The following CFAP70 variants were observed in gnomAD, a reference collection of about 807,000 sequenced individuals.
The protein encoded by CFAP70 is cilia and flagella associated protein 70.
CFAP70 carries 81 observed loss-of-function variants against 137.6 expected under a neutral mutation model. The observed-to-expected ratio is 0.59, with a 90% CI of 0.49 to 0.71. The LOEUF is 0.71. CFAP70 is among the 30% of genes least tolerant of loss of function. The pLI is 0.00. For missense variants in CFAP70, 976 were observed against 1,226.7 expected, an observed-to-expected ratio of 0.80 and a Z score of 3.05; for synonymous variants, 382 against 423.6, an observed-to-expected ratio of 0.90 and a Z score of 1.20.
exon 10 of CFAP70, chr10:73,312,587 A>G: frequency 3.1e-6 from 5 of 1,610,676 alleles, no homozygotes; most frequent in Non-Finnish European, 4.2e-6. Flanking sequence ...CTCCTATTTT[A>G]TTATTATGAA....
chr10:73,274,090 G>A (rs1014166083), intron 23 of CFAP70, among the ~76,000 whole-genome samples: 1 of 152,224 alleles, frequency 6.6e-6, no homozygotes, highest in African/African-American at 2.4e-5. Flanking sequence ...AAAGTTTGGA[G>A]AGAAGTCCTT....
chr10:73,297,446 G>A (rs1347361517), intron 14 of CFAP70, among the ~76,000 whole-genome samples: 1 of 152,150 alleles, frequency 6.6e-6, no homozygotes, highest in Non-Finnish European at 1.5e-5. Flanking sequence ...AAGAAAATCT[G>A]AGCATTAGGT....
intron 19 of CFAP70, chr10:73,279,069 C>A (rs75243954): frequency 6.6e-6 from 1 of 151,644 alleles, no homozygotes; most frequent in Admixed American, 6.6e-5. Context: ...TTCGTCCTCA[C>A]TTTAGTAGCA....
intron 22 of CFAP70, 161 bp from the exon 24 acceptor site, chr10:73,274,755 AC>A: frequency 4.4e-6 from 3 of 676,632 alleles, no homozygotes; most frequent in Non-Finnish European, 7.2e-6. Context: ...CAGAAACATA[AC>A]CATTTAATTG....
chr10:73,360,525 A>G (rs2054966814), upstream of CFAP70, among the ~76,000 whole-genome samples: 1 of 152,214 alleles, frequency 6.6e-6, no homozygotes, highest in Non-Finnish European at 1.5e-5. Context: ...TAAAATATAT[A>G]CACACGCATA....
At chr10:73,261,884 T>A (rs1168678473) in intron 25 of CFAP70, among the ~76,000 whole-genome samples, 2 of 151,566 alleles carry the variant, frequency 1.3e-5, no homozygotes, top group Non-Finnish European at 2.9e-5. Flanking sequence ...TATTTTAAAA[T>A]TTTTTGGACA....
chr10:73,307,636 T>C (rs972825472), intron 12 of CFAP70, among the ~76,000 whole-genome samples: 4 of 152,090 alleles, frequency 2.6e-5, no homozygotes, highest in African/African-American at 9.7e-5. Context: ...TAAATATTGA[T>C]AAAAGGTTAA....
chr10:73,345,115 C>G lies in CFAP70; in HGVS notation c.350-1G>C, dbSNP rs1168368621. On this transcript the variant is annotated splice_acceptor_variant, in intron 4 of 26. Coordinates refer to ENST00000310715, the Ensembl canonical transcript of CFAP70. LOFTEE classifies it high-confidence loss of function. ...CCGACCATGTAGTTCTGCCCAGGAC[C>G]TGTTGGAATGAAGGATTCAGGCACA... 7.4e-6 allele frequency: 12 copies of G among 1,614,148 alleles called. No homozygotes were observed. In the East Asian group the frequency reaches 2.7e-4, roughly 36 times the overall value.
intron 19 of CFAP70, among the ~76,000 whole-genome samples, chr10:73,284,736 C>CCA (rs539653958): frequency 4.7e-5 from 2 of 42,758 alleles, no homozygotes; most frequent in Non-Finnish European, 8.8e-5. Context: ...ATATGACCTG[C>CCA]CACATATATA....
chr10:73,260,662 A>G (rs1188622077), intron 25 of CFAP70, among the ~76,000 whole-genome samples: 2 of 152,202 alleles, frequency 1.3e-5, no homozygotes, highest in East Asian at 1.9e-4. Context: ...CTTTAGCTCC[A>G]GGCAACCATT....
intron 6 of CFAP70, among the ~76,000 whole-genome samples, chr10:73,339,544 C>T (rs749528973): frequency 2.6e-5 from 4 of 152,202 alleles, no homozygotes; most frequent in Non-Finnish European, 5.9e-5. Context: ...CTATGCTAGG[C>T]TTGCACTACT....
intron 12 of CFAP70, among the ~76,000 whole-genome samples, chr10:73,300,788 G>C (rs1017517422): frequency 6.6e-5 from 10 of 152,182 alleles, no homozygotes; most frequent in Non-Finnish European, 1.3e-4. Flanking sequence ...TTGAACCTGG[G>C]AGGCAGAGGT....
chr10:73,309,189 C>A (rs1454309594), intron 12 of CFAP70, among the ~76,000 whole-genome samples: 1 of 152,064 alleles, frequency 6.6e-6, no homozygotes, highest in Non-Finnish European at 1.5e-5. Context: ...ACATTACTAC[C>A]AATTTTAGAG....
chr10:73,254,389 G>A (rs2044263161), intron 26 of CFAP70: 1 of 163,024 alleles, frequency 6.1e-6, no homozygotes, highest in African/African-American at 2.4e-5. Flanking sequence ...CTAATGCATA[G>A]TATTCCCATC....
chr10:73,289,240 T>C (rs7910573), intron 19 of CFAP70, among the ~76,000 whole-genome samples: 16,049 of 152,122 alleles, frequency 0.11, 1,222 homozygotes, highest in East Asian at 0.3. Context: ...AAAAGAGACA[T>C]ACTTAAACTT....
intron 25 of CFAP70, 82 bp from the exon 27 acceptor site, chr10:73,256,498 A>G: frequency 7.0e-7 from 1 of 1,435,714 alleles, no homozygotes; most frequent in Non-Finnish European, 9.8e-7. Context: ...GCTAAGGCAG[A>G]GGCACCTACA....
At chr10:73,344,607 T>G (rs1315034501) in intron 5 of CFAP70, among the ~76,000 whole-genome samples, 1 of 152,192 alleles carries the variant, frequency 6.6e-6, no homozygotes, top group Non-Finnish European at 1.5e-5. Context: ...AAGTGTTAAC[T>G]GAATAGAAGA....
intron 23 of CFAP70, 49 bp downstream of exon 24, chr10:73,274,383 TA>T (rs1232607300): frequency 3.9e-6 from 6 of 1,540,604 alleles, no homozygotes; most frequent in Non-Finnish European, 5.2e-6. Context: ...ATGCTTGAAT[TA>T]CAATTAGTTC....
intron 16 of CFAP70, among the ~76,000 whole-genome samples, chr10:73,292,986 G>A (rs1333470655): frequency 6.6e-6 from 1 of 152,036 alleles, no homozygotes; most frequent in Non-Finnish European, 1.5e-5. Context: ...TGTTCCATTT[G>A]GAGTTGAGTT....
Sources: gnomAD v4.1 joint callset for allele counts (sites outside exome capture counted in the v4.1 genomes callset) on GRCh38, gnomAD v4.1.1 for gene constraint, MANE v1.5 for transcripts, NCBI Gene and HGNC (gene_info 2026-07-23, HGNC 2026-07-21) for gene names.